COL4A1: variants seen among roughly 807,000 people sequenced by gnomAD.
COL4A1 encodes the protein collagen alpha-1(IV) chain.
COL4A1 carries 40 observed loss-of-function variants against 216.6 expected under a neutral mutation model. The observed-to-expected ratio is 0.18, with a 90% CI of 0.14 to 0.24. The LOEUF (loss-of-function observed/expected upper bound fraction) is 0.24. COL4A1 is among the 10% of genes least tolerant of loss of function. The pLI, the probability that COL4A1 is intolerant of heterozygous loss-of-function variation, is 1.00. For missense variants in COL4A1, 1,628 were observed against 2,196.8 expected (o/e 0.74, Z 5.18); for synonymous variants, 839 against 810.7 (o/e 1.03, Z -0.59).
chr13:110,248,967 C>T (rs910240581), intron 1 of COL4A1, among the ~76,000 whole-genome samples: 5 of 152,110 alleles, frequency 3.3e-5, no homozygotes, highest in African/African-American at 9.7e-5. Flanking sequence ...TGCCGCTGTG[C>T]TGCTTGTGTC....
At position 110,167,063 on chromosome 13, in the gene COL4A1, C is replaced by T. The variant is rs1594540873; in HGVS notation, c.3949+95G>A. 1.3e-5 allele frequency: 12 copies of T among 948,796 alleles called. No individual in the cohort carries two copies. The East Asian group carries it at 1.9e-4, about 15-fold the overall frequency. 58.8% of individuals were successfully genotyped at this position (948,796 alleles called of 1,614,324 possible). A position where few individuals can be genotyped will look rare whatever the true frequency, so the allele number is the denominator to read the frequency against. ...ACAGTATCTCGTGCTATAATGGCAGCGGTGCTATCAGTGCTAAGGTGCCCG... is the reference window on the plus strand; with the variant it reads ...ACAGTATCTCGTGCTATAATGGCAGTGGTGCTATCAGTGCTAAGGTGCCCG... On this transcript the variant is annotated intron_variant, in intron 44 of 51. Coordinates refer to ENST00000375820, the MANE Select transcript of COL4A1 (RefSeq NM_001845.6).
At chr13:110,188,343 T>C (rs545727151) in intron 24 of COL4A1, among the ~76,000 whole-genome samples, 2 of 152,364 alleles carry the variant, frequency 1.3e-5, no homozygotes, top group Admixed American at 6.5e-5. Flanking sequence ...AGATGCTATG[T>C]GCTTCTCAAA....
At chr13:110,174,052 C>G (rs630968) in intron 39 of COL4A1, 54 bp from the exon 40 acceptor site, 3 of 1,593,382 alleles carry the variant, frequency 1.9e-6, no homozygotes, top group Non-Finnish European at 2.6e-6. Context: ...AGCACCCTAG[C>G]TGCCATACAA....
At chr13:110,152,029 T>C (rs776852611) in intron 51 of COL4A1, among the ~76,000 whole-genome samples, 24 of 152,216 alleles carry the variant, frequency 1.6e-4, no homozygotes, top group Non-Finnish European at 3.1e-4. Flanking sequence ...AAATATACTG[T>C]ATTTCAAACA....
chr13:110,209,141 G>C lies in COL4A1; in HGVS notation c.651+251C>G, dbSNP rs1001286775. On this transcript the variant is annotated intron_variant, in intron 11 of 51. Transcript: ENST00000375820. ...TTACAGTTTTTAAACTCTTGCATTA[G>C]AAAACTAAGGGAAATATCAGTGTGA... Among the ~76,000 whole-genome samples the C allele has an allele frequency of 8.0e-5, 5 of 62,402 alleles. No homozygotes were observed. In the Admixed American group the frequency reaches 1.1e-3, roughly 14 times the overall value. The allele number at this position is 62,402 out of a possible 152,430, so 40.9% of individuals were successfully genotyped here.
intron 1 of COL4A1, among the ~76,000 whole-genome samples, chr13:110,267,042 G>C (rs1433284354): frequency 6.6e-6 from 1 of 152,208 alleles, no homozygotes; most frequent in Admixed American, 6.5e-5. Context: ...CAGCAGCCAA[G>C]GGCAAATGTG....
chr13:110,174,636 A>G lies in COL4A1; in HGVS notation c.3312T>C (p.Ser1104=), dbSNP rs1877796204. ...CCCCTCACCTACCTGGATAGCCAACACTCCCGGGAGACCCTTTAAGGCCTG... is the reference window on the plus strand; with the variant it reads ...CCCCTCACCTACCTGGATAGCCAACGCTCCCGGGAGACCCTTTAAGGCCTG... The part of the protein sequence containing the change: ...GSPGLKGSPG[S]VGYPGSPGLP... The change falls in exon 38 of 52, where the codon AGT becomes AGC. Residue 1104 remains serine, a synonymous_variant. Transcript: ENST00000375820. The G allele has an allele frequency of 6.2e-7, 1 of 1,613,228 alleles. No individual in the cohort carries two copies. The highest frequency in any genetic ancestry group is 8.5e-7 in the Non-Finnish European group (1 of 1,179,828).
intron 1 of COL4A1, among the ~76,000 whole-genome samples, chr13:110,267,005 G>A (rs748629316): frequency 5.3e-5 from 8 of 152,192 alleles, no homozygotes; most frequent in Non-Finnish European, 1.0e-4. Context: ...AAGGCATAAG[G>A]CAGCAGAGTT....
chr13:110,265,508 G>C (rs985104253), intron 1 of COL4A1: 1 of 152,198 alleles, frequency 6.6e-6, no homozygotes, highest in Non-Finnish European at 1.5e-5. Context: ...GCTTCACAGC[G>C]CGTGAGCCTG....
chr13:110,258,365 C>T (rs1255280533), intron 1 of COL4A1, among the ~76,000 whole-genome samples: 1 of 152,104 alleles, frequency 6.6e-6, no homozygotes, highest in Non-Finnish European at 1.5e-5. Flanking sequence ...TGGTAAAATC[C>T]CATCTCTACT....
At chr13:110,295,422 C>CTTTT (rs5806848) in intron 1 of COL4A1, among the ~76,000 whole-genome samples, 7 of 88,178 alleles carry the variant, frequency 7.9e-5, no homozygotes, top group African/African-American at 1.2e-4. Context: ...AGTTCACTTC[C>CTTTT]TTTTTTTTTT....
intron 12 of COL4A1, among the ~76,000 whole-genome samples, chr13:110,208,365 G>A (rs1473413482): frequency 2.6e-5 from 4 of 152,206 alleles, no homozygotes; most frequent in East Asian, 3.9e-4. Flanking sequence ...ACTGCCAACC[G>A]TGCTAGTCCT....
intron 42 of COL4A1, 105 bp downstream of exon 42, chr13:110,170,442 T>C: frequency 2.3e-6 from 3 of 1,279,146 alleles, no homozygotes; most frequent in South Asian, 2.6e-5. Flanking sequence ...TGCAGACTTC[T>C]AAATAAAAAA....
At chr13:110,301,847 C>T (rs1435816072) in intron 1 of COL4A1, among the ~76,000 whole-genome samples, 1 of 152,136 alleles carries the variant, frequency 6.6e-6, no homozygotes, top group Non-Finnish European at 1.5e-5. Flanking sequence ...TTGACAGATC[C>T]GTACCACAAA....
intron 1 of COL4A1, among the ~76,000 whole-genome samples, chr13:110,243,182 C>CA (rs35932714): frequency 1.3e-5 from 2 of 151,606 alleles, no homozygotes; most frequent in East Asian, 1.9e-4. Context: ...CACGGCCGCG[C>CA]AAAAAAAAGT....
intron 2 of COL4A1, among the ~76,000 whole-genome samples, chr13:110,239,475 C>G (rs6492250): frequency 0.2 from 30,044 of 152,198 alleles, 3,399 homozygotes; most frequent in African/African-American, 0.3. Context: ...AACTGCATCT[C>G]AGCTGTGCCT....
Position 110,214,001 on chromosome 13 carries a change from G to T in COL4A1, c.159C>A (p.Leu53=), listed in dbSNP as rs978882738. Residue 53 remains leucine (L), a synonymous_variant, in exon 3 of 52, where the codon CTC becomes CTA. Transcript: ENST00000375820. ...ACCCAATGACACCTTGTAACCCCGG[G>T]AGGCCTCTTTCACCCTACAGAAGAG... ...GVKGQKGERG[L]PGLQGVIGFP... 2 of 1,614,034 alleles carry T rather than the reference G, an allele frequency of 1.2e-6. No homozygotes were observed. The highest frequency in any genetic ancestry group is 1.7e-6 in the Non-Finnish European group (2 of 1,180,024).
Position 110,247,820 on chromosome 13 carries a change from TGTG to T in COL4A1, c.85-5089_85-5087del, listed in dbSNP as rs1566411140. On this transcript the variant is annotated intron_variant, in intron 1 of 51. Transcript: ENST00000375820. ...GTGTGTGTGTGTGTGTGTGTGTGTGTGTGTGTGTGTGTGTGGCAGAGAGAGAGG... is the reference window on the plus strand; with the variant it reads ...GTGTGTGTGTGTGTGTGTGTGTGTGTTGTGTGTGTGTGGCAGAGAGAGAGG... Among the ~76,000 whole-genome samples, 4 of 120,918 alleles carry T rather than the reference TGTG, an allele frequency of 3.3e-5. No individual in the cohort carries two copies. The East Asian group carries it at 1.0e-3, about 31-fold the overall frequency. 79.3% of individuals were successfully genotyped at this position (120,918 alleles called of 152,430 possible).
intron 1 of COL4A1, among the ~76,000 whole-genome samples, chr13:110,257,333 C>T (rs576508911): frequency 2.2e-4 from 33 of 152,262 alleles, no homozygotes; most frequent in Non-Finnish European, 3.1e-4. Flanking sequence ...GACTTCCATG[C>T]GACATCCTTC....
Sources: allele counts gnomAD v4.1 joint callset (sites outside exome capture counted in the v4.1 genomes callset), GRCh38; gene constraint gnomAD v4.1.1; transcripts MANE v1.5; gene names NCBI Gene and HGNC (gene_info 2026-07-23, HGNC 2026-07-21).